SYN3: variants seen among roughly 807,000 people sequenced by gnomAD.
The protein encoded by SYN3 is synapsin-3.
In SYN3, 35 loss-of-function variants were observed where a neutral mutation model predicts 65.8. The ratio of observed to expected loss-of-function variants is 0.53; its 90% CI spans 0.41 to 0.70. The LOEUF (loss-of-function observed/expected upper bound fraction) is 0.70, where lower values mean the gene tolerates loss of function less well. Among genes scored for constraint, SYN3 ranks in the 30% least tolerant of loss-of-function variants. SYN3 has a pLI of 0.00. For synonymous variants in SYN3, 270 were observed against 292.9 expected (o/e 0.92, Z 0.80); for missense variants, 680 against 749.0 (o/e 0.91, Z 1.08).
chr22:32,826,294 G>A (rs1313399849), intron 6 of SYN3, among the ~76,000 whole-genome samples: 3 of 152,086 alleles, frequency 2.0e-5, no homozygotes, highest in Non-Finnish European at 4.4e-5. Context: ...GCTGGGTGTG[G>A]TGGTGACACC....
chr22:32,887,491 G>T (rs1450666976), intron 4 of SYN3, among the ~76,000 whole-genome samples: 1 of 152,184 alleles, frequency 6.6e-6, no homozygotes, highest in East Asian at 1.9e-4. Context: ...ACCCAAGCGA[G>T]CTTGGAAGTG....
intron 7 of SYN3, among the ~76,000 whole-genome samples, chr22:32,548,859 C>T (rs1343615482): frequency 6.6e-6 from 1 of 152,142 alleles, no homozygotes; most frequent in South Asian, 2.1e-4. Context: ...TATTGCAGCA[C>T]TACGTGTAAA....
At chr22:33,030,284 T>G (rs1287720284) in intron 1 of SYN3, among the ~76,000 whole-genome samples, 5 of 152,196 alleles carry the variant, frequency 3.3e-5, no homozygotes, top group Non-Finnish European at 5.9e-5. Flanking sequence ...AGTGCCCTCC[T>G]TCCTAGAGAC....
intron 6 of SYN3, among the ~76,000 whole-genome samples, chr22:32,635,516 A>T (rs1407799071): frequency 6.6e-6 from 1 of 152,242 alleles, no homozygotes; most frequent in Non-Finnish European, 1.5e-5. Flanking sequence ...CATTGGGGCC[A>T]GATATTTGAA....
intron 6 of SYN3, among the ~76,000 whole-genome samples, chr22:32,692,096 TTG>T (rs1394804132): frequency 1.6e-5 from 2 of 121,400 alleles, no homozygotes; most frequent in Admixed American, 1.7e-4. Context: ...GCTGTGGTCA[TTG>T]TTTTTTTTTT....
Position 32,727,117 on chromosome 22 carries a change from G to C in SYN3, c.712-130381C>G, listed in dbSNP as rs540519834. Among the ~76,000 whole-genome samples, 69 of 152,058 alleles carry C rather than the reference G, an allele frequency of 4.5e-4. No individual in the cohort carries two copies. The South Asian group carries it at 0.014, about 30-fold the overall frequency. ...TTAAGCCCAGCATCCATTAGTTATT[G>C]TTCCTGCAGCTCTCCCTCCTCCCAC... On this transcript the variant is annotated intron_variant, in intron 6 of 13. Transcript: ENST00000358763.
chr22:33,001,493 G>A (rs1023723795), intron 2 of SYN3, among the ~76,000 whole-genome samples: 1 of 152,116 alleles, frequency 6.6e-6, no homozygotes, highest in Non-Finnish European at 1.5e-5. Flanking sequence ...AGTGACCAAC[G>A]GACCAATGGG....
chr22:32,965,985 C>T (rs547139843), intron 3 of SYN3, among the ~76,000 whole-genome samples: 5 of 152,300 alleles, frequency 3.3e-5, no homozygotes, highest in African/African-American at 9.6e-5. Context: ...CGGGCCACCG[C>T]GCCCGGCCAG....
chr22:32,725,252 C>G (rs922451716), intron 6 of SYN3, among the ~76,000 whole-genome samples: 2 of 152,088 alleles, frequency 1.3e-5, no homozygotes, highest in African/African-American at 4.8e-5. Flanking sequence ...GAGGATGATC[C>G]CAGTAAAGCA....
chr22:32,835,578 C>G (rs186862064), intron 6 of SYN3, among the ~76,000 whole-genome samples: 205 of 152,186 alleles, frequency 1.3e-3, no homozygotes, highest in African/African-American at 4.7e-3. Flanking sequence ...GGGTCTCATG[C>G]AGATAGAATG....
chr22:32,713,631 C>T (rs1225049717), intron 6 of SYN3, among the ~76,000 whole-genome samples: 2 of 152,106 alleles, frequency 1.3e-5, no homozygotes, highest in African/African-American at 4.8e-5. Flanking sequence ...GAGATCGAGA[C>T]CATCCTGGCT....
At chr22:32,798,433 G>T (rs184475173) in intron 6 of SYN3, among the ~76,000 whole-genome samples, 48 of 152,240 alleles carry the variant, frequency 3.2e-4, no homozygotes, top group Non-Finnish European at 3.5e-4. Flanking sequence ...TTAAAACAAG[G>T]ATGAGTAGTT....
Position 32,578,460 on chromosome 22 carries a change from G to C in SYN3, c.774+18214C>G, listed in dbSNP as rs543848336. 8.5e-5 allele frequency among the ~76,000 whole-genome samples: 13 copies of C among 152,164 alleles called. No individual in the cohort carries two copies. In the East Asian group the frequency reaches 2.3e-3, roughly 27 times the overall value. On this transcript the variant is annotated intron_variant, in intron 7 of 13. Coordinates refer to ENST00000358763, the MANE Select transcript of SYN3 (RefSeq NM_003490.4). ...AAGATGGGTTTTGCCATGTAGCCCA[G>C]GTTGGTCTTGAACTCCTGGACTCAA...
intron 6 of SYN3, among the ~76,000 whole-genome samples, chr22:32,850,845 G>C (rs2048198455): frequency 6.6e-6 from 1 of 152,204 alleles, no homozygotes; most frequent in Non-Finnish European, 1.5e-5. Flanking sequence ...CAATGTCCAG[G>C]TAGAAGGGAG....
chr22:32,978,038 G>A (rs1396355820), intron 3 of SYN3, among the ~76,000 whole-genome samples: 1 of 152,194 alleles, frequency 6.6e-6, no homozygotes, highest in Non-Finnish European at 1.5e-5. Context: ...ACTCAGAGAA[G>A]GAGTCTTTGA....
intron 3 of SYN3, among the ~76,000 whole-genome samples, chr22:32,944,791 A>G (rs1378421433): frequency 6.6e-6 from 1 of 152,194 alleles, no homozygotes; most frequent in Non-Finnish European, 1.5e-5. Flanking sequence ...ATATTTAGAA[A>G]ACCCCATCGT....
intron 6 of SYN3, among the ~76,000 whole-genome samples, chr22:32,754,192 C>CCCAGGCCAGAGTGCAGT (rs1240113873): frequency 1.3e-5 from 2 of 152,088 alleles, no homozygotes; most frequent in Non-Finnish European, 2.9e-5. Context: ...CACTCTGTCG[C>CCCAGGCCAGAGTGCAGT]CCAGGCCAGA....
intron 7 of SYN3, among the ~76,000 whole-genome samples, chr22:32,579,890 C>T (rs796925352): frequency 6.6e-4 from 101 of 152,348 alleles, no homozygotes; most frequent in African/African-American, 2.3e-3. Flanking sequence ...TCCCGGGTCA[C>T]TGATTCTTTT....
chr22:32,663,307 C>CTCT (rs36044326), intron 6 of SYN3, among the ~76,000 whole-genome samples: 35,367 of 142,376 alleles, frequency 0.25, 6,205 homozygotes, highest in East Asian at 0.7. Context: ...CTTTTCTTCT[C>CTCT]TTTTTTTTTT....
Sources: gnomAD v4.1 joint callset for allele counts (sites outside exome capture counted in the v4.1 genomes callset) on GRCh38, gnomAD v4.1.1 for gene constraint, MANE v1.5 for transcripts, NCBI Gene and HGNC (gene_info 2026-07-23, HGNC 2026-07-21) for gene names.